Variants in KCNMB2 observed in about 807,000 individuals in gnomAD.
The protein encoded by KCNMB2 is calcium-activated potassium channel subunit beta-2.
KCNMB2 carries 9 observed loss-of-function variants against 24.5 expected under a neutral mutation model. The ratio of observed to expected loss-of-function variants is 0.37; its 90% CI spans 0.22 to 0.64. KCNMB2 has a LOEUF of 0.64. KCNMB2 is among the 30% of genes least tolerant of loss of function. The pLI is 0.63. For missense variants in KCNMB2, 226 were observed against 284.3 expected, an observed-to-expected ratio of 0.79 and a Z score of 1.47; for synonymous variants, 109 against 104.4, an observed-to-expected ratio of 1.04 and a Z score of -0.27.
intron 1 of KCNMB2, among the ~76,000 whole-genome samples, chr3:178,716,129 C>T (rs1387309551): frequency 6.6e-6 from 1 of 152,216 alleles, no homozygotes; most frequent in African/African-American, 2.4e-5. Context: ...ATTAGCAGAG[C>T]ATTCTGCAGT....
rs1560009701 is a variant in KCNMB2 at position 178,759,782 on chromosome 3, CTATAT to C, written c.-67-47560_-67-47556del. Among the ~76,000 whole-genome samples the C allele has an allele frequency of 9.4e-4, 12 of 12,708 alleles. 1 individual carries two copies. Among genetic ancestry groups the C allele is most frequent in the African/African-American group, 4.2e-3 (6 of 1,426 alleles). 8.3% of individuals were successfully genotyped at this position (12,708 alleles called of 152,430 possible). ...TATATATATATCCAAGAGGATATAT[CTATAT>C]ATATATATATCCAAGAGGATATATC... On this transcript the variant is annotated intron_variant, in intron 1 of 4. Coordinates refer to ENST00000452583, the MANE Select transcript of KCNMB2 (RefSeq NM_181361.3).
At chr3:178,799,858 C>G (rs988055385) in intron 1 of KCNMB2, among the ~76,000 whole-genome samples, 14 of 151,314 alleles carry the variant, frequency 9.3e-5, no homozygotes, top group Admixed American at 9.2e-4. Flanking sequence ...AATAGAGAAC[C>G]CAGAAACAAA....
rs532777134 is a variant in KCNMB2 at position 178,596,003 on chromosome 3, G to A, written c.-68+59292G>A. Among the ~76,000 whole-genome samples the A allele has an allele frequency of 8.5e-5, 13 of 152,178 alleles. 1 individual carries two copies. The South Asian group carries it at 2.5e-3, about 29-fold the overall frequency. On this transcript the variant is annotated intron_variant, in intron 1 of 4. Transcript: ENST00000452583. Reference sequence around the variant, plus strand: ...CTTTCCGAAGAGGCACTGAAGGGGAGGAGAATGATGACCCCAAGAATGTGT... The same window carrying A: ...CTTTCCGAAGAGGCACTGAAGGGGAAGAGAATGATGACCCCAAGAATGTGT...
intron 1 of KCNMB2, among the ~76,000 whole-genome samples, chr3:178,651,665 A>G (rs2108560047): frequency 6.6e-6 from 1 of 152,328 alleles, no homozygotes; most frequent in African/African-American, 2.4e-5. Context: ...ACCTGACTTC[A>G]AACTATACTA....
At chr3:178,564,307 T>C (rs534540463) in intron 1 of KCNMB2, among the ~76,000 whole-genome samples, 10 of 152,070 alleles carry the variant, frequency 6.6e-5, no homozygotes, top group East Asian at 1.9e-4. Flanking sequence ...ATTCTGATTA[T>C]GGTGGGTACC....
chr3:178,719,898 C>A (rs1051124534), intron 1 of KCNMB2, among the ~76,000 whole-genome samples: 1 of 152,124 alleles, frequency 6.6e-6, no homozygotes, highest in African/African-American at 2.4e-5. Context: ...AGTACCTAGC[C>A]CCCGGCAACC....
chr3:178,841,836 G>A (rs1320131592), intron 4 of KCNMB2, among the ~76,000 whole-genome samples: 2 of 152,164 alleles, frequency 1.3e-5, no homozygotes, highest in African/African-American at 4.8e-5. Context: ...ATATCAAAGT[G>A]TGTAGAAATA....
Position 178,665,849 on chromosome 3 carries a change from C to A in KCNMB2, c.-68+129138C>A, listed in dbSNP as rs565184347. Among the ~76,000 whole-genome samples the A allele has an allele frequency of 1.6e-4, 24 of 152,296 alleles. No individual in the cohort carries two copies. In the South Asian group the frequency reaches 5.0e-3, roughly 32 times the overall value. On this transcript the variant is annotated intron_variant, in intron 1 of 4. Coordinates refer to ENST00000452583, the MANE Select transcript of KCNMB2 (RefSeq NM_181361.3). ...AATAAATGGTGATACTAAGACCATACAAGTGACCAGTCTCAAATCTCAGAA... is the reference window on the plus strand; with the variant it reads ...AATAAATGGTGATACTAAGACCATAAAAGTGACCAGTCTCAAATCTCAGAA...
chr3:178,719,813 C>T (rs1472594507), intron 1 of KCNMB2, among the ~76,000 whole-genome samples: 4 of 152,094 alleles, frequency 2.6e-5, no homozygotes, highest in Non-Finnish European at 5.9e-5. Flanking sequence ...GTAACTATCA[C>T]CACAATCAGG....
chr3:178,586,224 T>C (rs1310708382), intron 1 of KCNMB2, among the ~76,000 whole-genome samples: 1 of 152,174 alleles, frequency 6.6e-6, no homozygotes, highest in African/African-American at 2.4e-5. Context: ...ATTCCTTCCA[T>C]CTTTGACTTT....
At chr3:178,719,473 G>T (rs1454255716) in intron 1 of KCNMB2, among the ~76,000 whole-genome samples, 2 of 152,216 alleles carry the variant, frequency 1.3e-5, no homozygotes, top group Non-Finnish European at 2.9e-5. Context: ...CTTCAGAAGT[G>T]ATTAACCCTG....
Position 178,842,671 on chromosome 3 carries a change from TG to T in KCNMB2, c.443del (p.Cys148LeufsTer12). The T allele has an allele frequency of 6.2e-7, 1 of 1,611,084 alleles. No individual in the cohort carries two copies. Among genetic ancestry groups the T allele is most frequent in the Non-Finnish European group, 8.5e-7 (1 of 1,177,450 alleles). ...INQKCSYIPK[C>X]GKNFEESMSL... is the part of the protein sequence containing the mutation. ...TCCACAGTGCTCCTATATACCTAAA[TG>T]TGGAAAAAATTTTGAAGAATCCATG... On this transcript the variant is annotated frameshift_variant, in exon 5 of 5. Coordinates refer to ENST00000452583, the MANE Select transcript of KCNMB2 (RefSeq NM_181361.3). LOFTEE classifies it high-confidence loss of function.
intron 4 of KCNMB2, 106 bp downstream of exon 4, chr3:178,828,479 G>C (rs1714923054): frequency 1.3e-6 from 1 of 753,678 alleles, no homozygotes; most frequent in Non-Finnish European, 2.1e-6. Flanking sequence ...AATACTTCCA[G>C]GAAGCAGAGC....
At chr3:178,729,756 G>T (rs1723083711) in intron 1 of KCNMB2, among the ~76,000 whole-genome samples, 1 of 152,174 alleles carries the variant, frequency 6.6e-6, no homozygotes, top group Non-Finnish European at 1.5e-5. Context: ...TCTTTGAATA[G>T]TTGTCTTTCC....
chr3:178,575,246 G>A, intron 1 of KCNMB2, among the ~76,000 whole-genome samples: 1 of 152,096 alleles, frequency 6.6e-6, no homozygotes, highest in Non-Finnish European at 1.5e-5. Flanking sequence ...GTTTGGGCTG[G>A]GTAGTTACAG....
At chr3:178,757,830 C>CATCCAAGAGGATATATATATATAT (rs774991483) in intron 1 of KCNMB2, among the ~76,000 whole-genome samples, 5,880 of 46,132 alleles carry the variant, frequency 0.13, 1,519 homozygotes, top group Middle Eastern at 0.25. Context: ...TATACACATC[C>CATCCAAGAGGATATATATATATAT]ATCCAAGAGG....
intron 2 of KCNMB2, among the ~76,000 whole-genome samples, chr3:178,824,945 G>GC (rs1202795359): frequency 6.6e-6 from 1 of 152,080 alleles, no homozygotes; most frequent in Admixed American, 6.6e-5. Context: ...TAGGGCCTGG[G>GC]CTCGATTTGA....
intron 2 of KCNMB2, among the ~76,000 whole-genome samples, chr3:178,816,671 G>C (rs1409583137): frequency 2.6e-5 from 4 of 152,180 alleles, no homozygotes; most frequent in Admixed American, 2.6e-4. Flanking sequence ...AATTGTTCTA[G>C]AGTGTTTTTC....
intron 1 of KCNMB2, among the ~76,000 whole-genome samples, chr3:178,632,738 T>C (rs1719367053): frequency 6.6e-6 from 1 of 152,176 alleles, no homozygotes; most frequent in Non-Finnish European, 1.5e-5. Flanking sequence ...AACACAATCA[T>C]GCCTTCCCAA....
Sources: allele counts gnomAD v4.1 joint callset (sites outside exome capture counted in the v4.1 genomes callset), GRCh38; gene constraint gnomAD v4.1.1; transcripts MANE v1.5; gene names NCBI Gene and HGNC (gene_info 2026-07-23, HGNC 2026-07-21).